LCK: variants seen among roughly 807,000 people sequenced by gnomAD.
The protein encoded by LCK is LCK proto-oncogene, Src family tyrosine kinase.
LCK carries 14 observed loss-of-function variants against 64.6 expected under a neutral mutation model. The observed-to-expected ratio is 0.22, with a 90% CI of 0.14 to 0.34. The LOEUF (loss-of-function observed/expected upper bound fraction) is 0.34, where lower values mean the gene tolerates loss of function less well. Among genes scored for constraint, LCK ranks in the 10% least tolerant of loss-of-function variants. LCK has a pLI of 1.00. For missense variants in LCK, 434 were observed against 668.1 expected (o/e 0.65, Z 3.86); for synonymous variants, 277 against 263.6 (o/e 1.05, Z -0.49).
Position 32,275,614 on chromosome 1 carries a change from C to A in LCK, c.423C>A (p.Leu141=). 6.4e-7 allele frequency: 1 copy of A among 1,574,620 alleles called. No homozygotes were observed. Residue 141 remains leucine, a synonymous_variant, in exon 6 of 13, where the codon CTC becomes CTA. Transcript: ENST00000336890. The surrounding 1 kb of genome is among the most constrained non-coding windows in gnomAD (Gnocchi z 6.9). ...NLSRKDAERQ[L]LAPGNTHGSF... ...GCCGCAAGGACGCGGAGCGGCAGCTCCTGGCGCCCGGGAACACTCACGGCT... is the reference window on the plus strand; with the variant it reads ...GCCGCAAGGACGCGGAGCGGCAGCTACTGGCGCCCGGGAACACTCACGGCT...
At chr1:32,263,158 G>T (rs1471716253) in intron 1 of LCK, among the ~76,000 whole-genome samples, 1 of 151,750 alleles carries the variant, frequency 6.6e-6, no homozygotes, top group African/African-American at 2.4e-5. Context: ...TTGGGAAGCG[G>T]AGGTGGGCAG....
At chr1:32,279,609 G>A in intron 9 of LCK, 62 bp from the exon 10 acceptor site, 1 of 1,612,874 alleles carries the variant, frequency 6.2e-7, no homozygotes, top group Non-Finnish European at 8.5e-7. Flanking sequence ...AGTTGGAGGA[G>A]AAAGGTCTGG....
chr1:32,253,348 C>T (rs936697580), intron 1 of LCK, among the ~76,000 whole-genome samples: 12 of 152,086 alleles, frequency 7.9e-5, no homozygotes, highest in Non-Finnish European at 7.4e-5. Context: ...GGCAACAGAG[C>T]GAAACCCCAT....
chr1:32,263,934 A>T (rs991875747), intron 1 of LCK, among the ~76,000 whole-genome samples: 1 of 152,020 alleles, frequency 6.6e-6, no homozygotes, highest in Non-Finnish European at 1.5e-5. Flanking sequence ...AAAAAGAAGA[A>T]GACCGGAAGG....
chr1:32,272,629 G>GAGAGAGAGAGAGAA (rs1640116859), intron 1 of LCK, among the ~76,000 whole-genome samples: 1 of 146,700 alleles, frequency 6.8e-6, no homozygotes, highest in African/African-American at 2.7e-5. Flanking sequence ...GAGAAAGAGA[G>GAGAGAGAGAGAGAA]AGAGAGAGAG....
At position 32,276,853 on chromosome 1, in the gene LCK, A is replaced by C. The variant is rs1461656481; in HGVS notation, c.964+67A>C. On this transcript the variant is annotated intron_variant, in intron 9 of 12. Coordinates refer to ENST00000336890, the MANE Select transcript of LCK (RefSeq NM_005356.5). This position sits in a 1 kb window ranked among gnomAD's most constrained non-coding sequence, Gnocchi z 4.6. ...CCTGCTGTCCCTGCCAGAGGGTGGA[A>C]ATACACCTTTTCTTCTGGCCCAAAG... The C allele has an allele frequency of 1.2e-4, 172 of 1,417,906 alleles. No individual in the cohort carries two copies. Among genetic ancestry groups the C allele is most frequent in the Non-Finnish European group, 1.6e-4 (167 of 1,061,034 alleles). The allele number at this position is 1,417,906 out of a possible 1,614,324, so 87.8% of individuals were successfully genotyped here.
chr1:32,274,761 G>C lies in LCK; in HGVS notation c.130G>C (p.Val44Leu), dbSNP rs778290248. 1 of 1,605,668 alleles carries C rather than the reference G, an allele frequency of 6.2e-7. No individual in the cohort carries two copies. Among genetic ancestry groups the C allele is most frequent in the African/African-American group, 1.3e-5 (1 of 74,788 alleles). ...GTLLIRNGSE[V>L]RDPLVTYEGS... ...GCTGCTCATCCGAAATGGCTCTGAG[G>C]TGCGGGACCCACTGGTTACCTACGA... is the stretch of plus-strand genomic sequence containing the variant. Residue 44 changes from valine (V) to leucine (L), a missense_variant, in exon 3 of 13, where the codon GTG becomes CTG. Transcript: ENST00000336890.
rs771582731 is a variant in LCK at position 32,285,886 on chromosome 1, C to T, written c.*170C>T. 55 of 671,696 alleles carry T rather than the reference C, an allele frequency of 8.2e-5. No individual in the cohort carries two copies. The highest frequency in any genetic ancestry group is 3.5e-4 in the East Asian group (13 of 36,750). The allele number at this position is 671,696 out of a possible 1,614,324, so 41.6% of individuals were successfully genotyped here. The stretch of plus-strand genomic sequence containing the variant: ...TGTCTGTACACGTGTCCTGTAGTTG[C>T]GTGGACTCTGCACATGTCTTGTACA... On this transcript the variant is annotated 3_prime_UTR_variant, in exon 13 of 13. Coordinates refer to ENST00000336890, the MANE Select transcript of LCK (RefSeq NM_005356.5).
At chr1:32,267,324 A>G (rs1172959129) in intron 1 of LCK, among the ~76,000 whole-genome samples, 1 of 152,184 alleles carries the variant, frequency 6.6e-6, no homozygotes, top group East Asian at 1.9e-4. Context: ...TTAAAATTCC[A>G]TGCACATTTT....
rs532432556 is a variant in LCK, at chr1:32,270,993, C to T, written c.-5-3332C>T. ...CTGGGATTACAGGTGTGAGCCACCG[C>T]GCCTGGCCTTTTTTTTTTTTTTTTT... On this transcript the variant is annotated intron_variant, in intron 1 of 12. Coordinates refer to ENST00000336890, the MANE Select transcript of LCK (RefSeq NM_005356.5). Among the ~76,000 whole-genome samples the T allele has an allele frequency of 6.1e-3, 903 of 147,430 alleles. 8 individuals carry two copies. The highest frequency in any genetic ancestry group is 0.022 in the African/African-American group (849 of 39,368).
intron 1 of LCK, among the ~76,000 whole-genome samples, chr1:32,253,018 T>C (rs913325450): frequency 6.6e-6 from 1 of 152,144 alleles, no homozygotes; most frequent in Non-Finnish European, 1.5e-5. Context: ...GACCATTTCC[T>C]TGAGCAAGTG....
At position 32,275,290 on chromosome 1, in the gene LCK, C is replaced by T; in HGVS notation, c.279-31C>T. On this transcript the variant is annotated intron_variant, in intron 4 of 12. Transcript: ENST00000336890. This position sits in a 1 kb window ranked among gnomAD's most constrained non-coding sequence, Gnocchi z 6.9. ...GGAGGGTCTCAGGTCGACGGCTGAG[C>T]GAGCCACACTGACCCACCTCCGTGG... 1 of 1,606,102 alleles carries T rather than the reference C, an allele frequency of 6.2e-7. No individual in the cohort carries two copies. The highest frequency in any genetic ancestry group is 8.5e-7 in the Non-Finnish European group (1 of 1,173,442).
rs1400734354 is a variant in LCK at position 32,275,173 on chromosome 1, C to T, written c.278+90C>T. On this transcript the variant is annotated intron_variant, in intron 4 of 12. Transcript: ENST00000336890. The surrounding 1 kb of genome is among the most constrained non-coding windows in gnomAD (Gnocchi z 6.9). ...GCCCTCCTGCGGCCCTTGACCAGCT[C>T]GGGGTGGCCGCCCTTGGGACAAAAT... 1 of 1,469,308 alleles carries T rather than the reference C, an allele frequency of 6.8e-7. No homozygotes were observed. Among genetic ancestry groups the T allele is most frequent in the Non-Finnish European group, 9.4e-7 (1 of 1,060,256 alleles). 91.0% of individuals were successfully genotyped at this position (1,469,308 alleles called of 1,614,324 possible). A position where few individuals can be genotyped will look rare whatever the true frequency, so the allele number is the denominator to read the frequency against.
In LCK at chr1:32,276,525, G is replaced by T. The variant is rs767797404; in HGVS notation, c.784+36G>T. 7 of 1,591,242 alleles carry T rather than the reference G, an allele frequency of 4.4e-6. No individual in the cohort carries two copies. The South Asian group carries it at 6.8e-5, about 16-fold the overall frequency. ...CCTCCAGGACTGCCTGGGAAGAGGGGAACGGGAGGGGCCGCTGAGGTGATG... is the reference window on the plus strand; with the variant it reads ...CCTCCAGGACTGCCTGGGAAGAGGGTAACGGGAGGGGCCGCTGAGGTGATG... On this transcript the variant is annotated intron_variant, in intron 8 of 12. Transcript: ENST00000336890. This position sits in a 1 kb window ranked among gnomAD's most constrained non-coding sequence, Gnocchi z 4.6.
chr1:32,251,342 A>C lies in LCK; in HGVS notation c.-35A>C, dbSNP rs1052116838. 5 of 152,708 alleles carry C rather than the reference A, an allele frequency of 3.3e-5. No individual in the cohort carries two copies. Among genetic ancestry groups the C allele is most frequent in the Non-Finnish European group, 7.3e-5 (5 of 68,368 alleles). The allele number at this position is 152,708 out of a possible 1,614,324, so 9.5% of individuals were successfully genotyped here. A position where few individuals can be genotyped will look rare whatever the true frequency, so the allele number is the denominator to read the frequency against. On this transcript the variant is annotated 5_prime_UTR_variant, in exon 1 of 13. The change abolishes an upstream ATG in the 5' untranslated region. Transcript: ENST00000336890. This position sits in a 1 kb window ranked among gnomAD's most constrained non-coding sequence, Gnocchi z 4.0. Reference sequence around the variant, plus strand: ...AGGTTAGGCCAGGAGGACCATGTGAATGGGGCCAGAGGGCTCCCGGGCTGG... The same window carrying C: ...AGGTTAGGCCAGGAGGACCATGTGACTGGGGCCAGAGGGCTCCCGGGCTGG...
At position 32,276,206 on chromosome 1, in the gene LCK, T is replaced by C; in HGVS notation, c.632-131T>C. ...TGGAACCTGACCCTACGGCCCCAAGTGTTTGGGTGACAGCCCCACACCCCC... is the reference window on the plus strand; with the variant it reads ...TGGAACCTGACCCTACGGCCCCAAGCGTTTGGGTGACAGCCCCACACCCCC... On this transcript the variant is annotated intron_variant, in intron 7 of 12. Coordinates refer to ENST00000336890, the MANE Select transcript of LCK (RefSeq NM_005356.5). This position sits in a 1 kb window ranked among gnomAD's most constrained non-coding sequence, Gnocchi z 4.6. 6.9e-7 allele frequency: 1 copy of C among 1,441,152 alleles called. No homozygotes were observed. Among genetic ancestry groups the C allele is most frequent in the South Asian group, 1.3e-5 (1 of 75,574 alleles). 89.3% of individuals were successfully genotyped at this position (1,441,152 alleles called of 1,614,324 possible).
In LCK at chr1:32,276,602, C is replaced by T. The variant is rs746656319; in HGVS notation, c.785-5C>T. 1.2e-5 allele frequency: 19 copies of T among 1,606,652 alleles called. No homozygotes were observed. In the Admixed American group the frequency reaches 2.7e-4, roughly 23 times the overall value. On this transcript the variant is annotated splice_region_variant and splice_polypyrimidine_tract_variant and intron_variant, in intron 8 of 12. Coordinates refer to ENST00000336890, the MANE Select transcript of LCK (RefSeq NM_005356.5). The surrounding 1 kb of genome is among the most constrained non-coding windows in gnomAD (Gnocchi z 4.6). Reference sequence around the variant, plus strand: ...CTTTCCCACTCCTTCCCTTCCCCGACCCAGGGTACTACAACGGGCACACGA... The same window carrying T: ...CTTTCCCACTCCTTCCCTTCCCCGATCCAGGGTACTACAACGGGCACACGA...
At chr1:32,262,043 C>T (rs558626466) in intron 1 of LCK, among the ~76,000 whole-genome samples, 3 of 149,202 alleles carry the variant, frequency 2.0e-5, no homozygotes, top group Admixed American at 2.0e-4. Context: ...GCCACCACAC[C>T]CAGATAATCT....
intron 1 of LCK, among the ~76,000 whole-genome samples, chr1:32,262,525 C>T (rs989811142): frequency 2.7e-5 from 4 of 150,426 alleles, no homozygotes; most frequent in Admixed American, 6.6e-5. Context: ...TGGGTTCAAG[C>T]GATTCTCCTG....
Sources: gnomAD v4.1 joint callset for allele counts (sites outside exome capture counted in the v4.1 genomes callset) on GRCh38, gnomAD v4.1.1 for gene constraint, Gnocchi (gnomAD v3.1) non-coding constraint, MANE v1.5 for transcripts, NCBI Gene and HGNC (gene_info 2026-07-23, HGNC 2026-07-21) for gene names.